SIMC1: variants seen among roughly 807,000 people sequenced by gnomAD.
SIMC1 encodes SUMO interacting motifs containing 1, also known as SUMO-interacting motif-containing protein 1.
In SIMC1, 55 loss-of-function variants were observed where a neutral mutation model predicts 82.3. The ratio of observed to expected loss-of-function variants is 0.67; its 90% CI spans 0.54 to 0.84. The LOEUF (loss-of-function observed/expected upper bound fraction) is 0.84, where lower values mean the gene tolerates loss of function less well. Among genes scored for constraint, SIMC1 ranks in the 40% least tolerant of loss-of-function variants. The pLI is 0.00. For missense variants in SIMC1, 915 were observed against 1,107.2 expected, an observed-to-expected ratio of 0.83 and a Z score of 2.46; for synonymous variants, 353 against 426.3, an observed-to-expected ratio of 0.83 and a Z score of 2.12.
Position 176,345,624 on chromosome 5 carries a change from C to G in SIMC1, c.*179C>G. The stretch of plus-strand genomic sequence containing the variant: ...TTTTTTTAAATAATCCTATCCTAGC[C>G]TGTTCTCAAATATGGCTTAAATATA... On this transcript the variant is annotated 3_prime_UTR_variant, in exon 10 of 10. Transcript: ENST00000429602. 1.9e-6 allele frequency: 1 copy of G among 533,408 alleles called. No individual in the cohort carries two copies. The highest frequency in any genetic ancestry group is 3.0e-6 in the Non-Finnish European group (1 of 332,444). 33.0% of individuals were successfully genotyped at this position (533,408 alleles called of 1,614,324 possible).
chr5:176,264,298 T>G (rs1286250478), intron 1 of SIMC1, among the ~76,000 whole-genome samples: 1 of 152,266 alleles, frequency 6.6e-6, no homozygotes, highest in Non-Finnish European at 1.5e-5. Context: ...CAACCCCACA[T>G]TTCCCCTTGG....
intron 7 of SIMC1, among the ~76,000 whole-genome samples, chr5:176,330,172 G>A (rs1439337996): frequency 1.3e-5 from 2 of 152,084 alleles, no homozygotes; most frequent in East Asian, 3.9e-4. Flanking sequence ...AGGCCAAGGT[G>A]GGCAGGTCAC....
rs1371609046 is a variant in SIMC1, at chr5:176,345,269, G to A, written c.2500G>A (p.Val834Met). ...ACCCCAGCAAGGAGATGACATCACA[G>A]TGGTAGACGTAGAGAAGCAGATTGA... ...PKPQQGDDIT[V>M]VDVEKQIEAF... The change falls in exon 10 of 10, where the codon GTG becomes ATG. Residue 834 changes from valine (V) to methionine (M), a missense_variant. Val to Met is a conservative substitution (Grantham distance 21). Coordinates refer to ENST00000429602, the MANE Select transcript of SIMC1 (RefSeq NM_001308195.2). 1.2e-6 allele frequency: 2 copies of A among 1,613,896 alleles called. No individual in the cohort carries two copies. Among genetic ancestry groups the A allele is most frequent in the Non-Finnish European group, 1.7e-6 (2 of 1,179,894 alleles).
chr5:176,301,037 T>A (rs1428987929), intron 4 of SIMC1, among the ~76,000 whole-genome samples: 1 of 152,178 alleles, frequency 6.6e-6, no homozygotes, highest in Non-Finnish European at 1.5e-5. Context: ...ACACCAATCC[T>A]CCTCAGACTT....
intron 9 of SIMC1, among the ~76,000 whole-genome samples, chr5:176,339,874 C>T (rs1766054552): frequency 6.6e-6 from 1 of 152,132 alleles, no homozygotes; most frequent in African/African-American, 2.4e-5. Context: ...CCGAATGGTA[C>T]CCAGCAATAG....
intron 1 of SIMC1, among the ~76,000 whole-genome samples, chr5:176,247,622 TTTGTCAA>T (rs1761493422): frequency 6.6e-6 from 1 of 152,140 alleles, no homozygotes; most frequent in Non-Finnish European, 1.5e-5. Flanking sequence ...ATCAGATCCA[TTTGTCAA>T]TTTTGGCTTT....
At chr5:176,303,110 T>A (rs1210412863) in intron 4 of SIMC1, among the ~76,000 whole-genome samples, 1 of 151,832 alleles carries the variant, frequency 6.6e-6, no homozygotes. Context: ...CTTTCAGAAG[T>A]TGATGTCTTT....
At chr5:176,243,330 A>C (rs1258039903) in intron 1 of SIMC1, among the ~76,000 whole-genome samples, 1 of 152,194 alleles carries the variant, frequency 6.6e-6, no homozygotes, top group Non-Finnish European at 1.5e-5. Context: ...GGGAATGAGC[A>C]TGACTTACTG....
At chr5:176,305,964 C>T (rs1764349519) in intron 4 of SIMC1, among the ~76,000 whole-genome samples, 1 of 78,324 alleles carries the variant, frequency 1.3e-5, no homozygotes, top group Non-Finnish European at 2.8e-5. Flanking sequence ...CGGCCAGCCG[C>T]CCCATCCGGG....
chr5:176,308,296 C>T (rs1297210578), intron 4 of SIMC1: 2 of 1,460,544 alleles, frequency 1.4e-6, no homozygotes. Context: ...GTTCTGTCAT[C>T]ATCTTAACGA....
intron 1 of SIMC1, among the ~76,000 whole-genome samples, chr5:176,287,054 T>C (rs1240367685): frequency 6.6e-6 from 1 of 152,180 alleles, no homozygotes; most frequent in Non-Finnish European, 1.5e-5. Context: ...GTTCAACCAT[T>C]GTGGAAGACA....
intron 9 of SIMC1, among the ~76,000 whole-genome samples, chr5:176,344,178 G>C (rs1766287957): frequency 6.6e-6 from 1 of 152,146 alleles, no homozygotes; most frequent in Non-Finnish European, 1.5e-5. Context: ...GATTGAGCCA[G>C]GATACGGTCA....
intron 1 of SIMC1, among the ~76,000 whole-genome samples, chr5:176,272,704 G>C (rs1762499126): frequency 6.6e-6 from 1 of 152,212 alleles, no homozygotes; most frequent in African/African-American, 2.4e-5. Context: ...ATCTGTGACA[G>C]ATGGCACCTG....
intron 1 of SIMC1, among the ~76,000 whole-genome samples, chr5:176,260,561 G>A (rs1039939952): frequency 1.3e-5 from 2 of 151,870 alleles, no homozygotes; most frequent in Non-Finnish European, 2.9e-5. Context: ...GAATCCTCTT[G>A]CATGGTCATT....
In SIMC1 at chr5:176,313,766, C is replaced by T; in HGVS notation, c.1810C>T (p.Leu604=). ...QTLEDDFQQT[L]RRQRQHLQQS... The stretch of plus-strand genomic sequence containing the variant: ...CCTAGAAGATGACTTTCAGCAGACC[C>T]TGAGGAGGCAACGGCAGCACCTGCA... The change falls in exon 5 of 10, where the codon CTG becomes TTG. Residue 604 remains leucine, a synonymous_variant. Coordinates refer to ENST00000429602, the MANE Select transcript of SIMC1 (RefSeq NM_001308195.2). 6.2e-7 allele frequency: 1 copy of T among 1,614,018 alleles called. No homozygotes were observed. The highest frequency in any genetic ancestry group is 8.5e-7 in the Non-Finnish European group (1 of 1,179,890).
chr5:176,312,536 CAAAAAAAAA>C (rs10551875), intron 4 of SIMC1, among the ~76,000 whole-genome samples: 3 of 70,038 alleles, frequency 4.3e-5, no homozygotes, highest in African/African-American at 1.2e-4. Flanking sequence ...GACTCCATCT[CAAAAAAAAA>C]AAAAAAAAAA....
Position 176,336,959 on chromosome 5 carries a change from A to T in SIMC1, c.2328+83A>T, listed in dbSNP as rs1394870429. Reference sequence around the variant, plus strand: ...AACCCTTCCCATAGGATTTTAGCTTAAAACACAACTGTTTGAGCATTCTGT... The same window carrying T: ...AACCCTTCCCATAGGATTTTAGCTTTAAACACAACTGTTTGAGCATTCTGT... On this transcript the variant is annotated intron_variant, in intron 8 of 9. Transcript: ENST00000429602. 3 of 1,600,218 alleles carry T rather than the reference A, an allele frequency of 1.9e-6. No individual in the cohort carries two copies. The African/African-American group carries it at 4.0e-5, about 22-fold the overall frequency.
intron 1 of SIMC1, among the ~76,000 whole-genome samples, chr5:176,254,178 T>C (rs1034942303): frequency 3.3e-5 from 5 of 152,132 alleles, no homozygotes; most frequent in African/African-American, 1.2e-4. Flanking sequence ...GGTCACCCAC[T>C]AGATGGACTA....
At chr5:176,335,297 G>A (rs1200310257) in intron 7 of SIMC1, among the ~76,000 whole-genome samples, 1 of 33,638 alleles carries the variant, frequency 3.0e-5, no homozygotes. Context: ...TTTTTTTTTA[G>A]ATTGAGTCTC....
Sources: allele counts gnomAD v4.1 joint callset (sites outside exome capture counted in the v4.1 genomes callset), GRCh38; gene constraint gnomAD v4.1.1; transcripts MANE v1.5; gene names NCBI Gene and HGNC (gene_info 2026-07-23, HGNC 2026-07-21).